The following ERAP1 variants were observed in gnomAD, a reference collection of about 807,000 sequenced individuals.
The protein encoded by ERAP1 is adipocyte-derived leucine aminopeptidase.
In ERAP1, 86 loss-of-function variants were observed where a neutral mutation model predicts 103.7. The observed-to-expected ratio is 0.83, with a 90% confidence interval of 0.70 to 0.99. The LOEUF (loss-of-function observed/expected upper bound fraction) is 0.99. Among genes scored for constraint, ERAP1 ranks in the 50% least tolerant of loss-of-function variants. The pLI is 0.00. For missense variants in ERAP1, 1,009 were observed against 1,128.4 expected, an observed-to-expected ratio of 0.89 and a Z score of 1.52; for synonymous variants, 398 against 402.4, an observed-to-expected ratio of 0.99 and a Z score of 0.13.
the ERAP1 span, among the ~76,000 whole-genome samples, chr5:96,866,688 G>A: frequency 2.0e-5 from 3 of 152,138 alleles, no homozygotes; most frequent in East Asian, 1.9e-4. Context: ...GAGAGACCTC[G>A]TACATGCACA....
the ERAP1 span, among the ~76,000 whole-genome samples, chr5:96,835,079 C>T: frequency 1.3e-5 from 2 of 152,168 alleles, no homozygotes; most frequent in African/African-American, 4.8e-5. Context: ...GGCTGTTAGG[C>T]GTGTACTAGT....
chr5:96,798,316 C>T (rs958578952), intron 3 of ERAP1, among the ~76,000 whole-genome samples: 12 of 124,062 alleles, frequency 9.7e-5, no homozygotes, highest in African/African-American at 3.4e-4. Context: ...CAGAGCGAGA[C>T]TCCATCTCAA....
chr5:96,791,445 G>T (rs1180070102), intron 8 of ERAP1, among the ~76,000 whole-genome samples: 2 of 152,072 alleles, frequency 1.3e-5, no homozygotes, highest in African/African-American at 4.8e-5. Context: ...TCTCAGCCTC[G>T]GTGAGAAGAC....
chr5:96,874,761 G>C, the ERAP1 span, among the ~76,000 whole-genome samples: 237 of 152,328 alleles, frequency 1.6e-3, no homozygotes, highest in African/African-American at 5.3e-3. Context: ...GACTTAACTA[G>C]GATCTAATCA....
At chr5:96,826,401 C>G in the ERAP1 span, among the ~76,000 whole-genome samples, 2 of 152,202 alleles carry the variant, frequency 1.3e-5, no homozygotes, top group Admixed American at 1.3e-4. Context: ...GATAATTACA[C>G]TTGTCTATTT....
At chr5:96,806,948 C>T (rs1214247597) in intron 1 of ERAP1, among the ~76,000 whole-genome samples, 4 of 143,774 alleles carry the variant, frequency 2.8e-5, no homozygotes, top group Admixed American at 7.0e-5. Flanking sequence ...ACAACTGTGC[C>T]CAATTTTCAA....
chr5:96,776,022 G>A lies in ERAP1; in HGVS notation c.*374C>T, dbSNP rs10515247. 0.11 allele frequency: 129,919 copies of A among 1,132,370 alleles called. 8,051 individuals are homozygous for A. Among genetic ancestry groups the A allele is most frequent in the Non-Finnish European group, 0.13 (114,297 of 911,078 alleles). The allele number at this position is 1,132,370 out of a possible 1,614,324, so 70.1% of individuals were successfully genotyped here. A position where few individuals can be genotyped will look rare whatever the true frequency, so the allele number is the denominator to read the frequency against. On this transcript the variant is annotated 3_prime_UTR_variant, in exon 19 of 19. Coordinates refer to ENST00000443439, the MANE Select transcript of ERAP1 (RefSeq NM_001040458.3). ...TCCAGGTGTTCATTGTTCAGTAGTC[G>A]ACTATTCAGAGTCTTTCGAGGAGAC...
chr5:96,926,041 G>A, the ERAP1 span, among the ~76,000 whole-genome samples: 2 of 150,272 alleles, frequency 1.3e-5, no homozygotes, highest in South Asian at 2.1e-4. Context: ...CTCCCAAGTA[G>A]CTGGGACTAC....
intron 5 of ERAP1, among the ~76,000 whole-genome samples, chr5:96,794,171 C>CTTTTTTTTT (rs35041937): frequency 2.9e-5 from 2 of 68,738 alleles, no homozygotes; most frequent in Non-Finnish European, 5.1e-5. Flanking sequence ...CATCTCAGGC[C>CTTTTTTTTT]TTTTTTTTTT....
intron 18 of ERAP1, among the ~76,000 whole-genome samples, chr5:96,780,086 T>C (rs1774933339): frequency 1.3e-5 from 2 of 152,240 alleles, no homozygotes; most frequent in African/African-American, 2.4e-5. Context: ...CCTGCCTCTT[T>C]AGCAACAGCT....
the ERAP1 span, among the ~76,000 whole-genome samples, chr5:96,861,988 A>T: frequency 1.4e-4 from 21 of 151,524 alleles, no homozygotes; most frequent in Admixed American, 2.0e-4. Flanking sequence ...ATTCTTTTTG[A>T]AAAAAAAATC....
chr5:96,926,134 C>A, the ERAP1 span, among the ~76,000 whole-genome samples: 16 of 152,142 alleles, frequency 1.1e-4, no homozygotes, highest in East Asian at 3.1e-3. Flanking sequence ...ATGGTCTCAA[C>A]CTCCTGACCT....
chr5:96,923,491 G>C, the ERAP1 span, among the ~76,000 whole-genome samples: 2 of 152,044 alleles, frequency 1.3e-5, no homozygotes, highest in East Asian at 3.9e-4. Flanking sequence ...TCAGGAGATC[G>C]AGACCATCCT....
chr5:96,922,289 C>G, the ERAP1 span, among the ~76,000 whole-genome samples: 1 of 152,116 alleles, frequency 6.6e-6, no homozygotes, highest in South Asian at 2.1e-4. Context: ...CAGAGAGAGA[C>G]TCCGTCTCAA....
chr5:96,889,661 G>A, the ERAP1 span, among the ~76,000 whole-genome samples: 1 of 152,164 alleles, frequency 6.6e-6, no homozygotes, highest in Non-Finnish European at 1.5e-5. Context: ...TGACTGCTCT[G>A]TTCAAAATAG....
chr5:96,766,261 C>T, intron 19 of ERAP1: 1 of 616,334 alleles, frequency 1.6e-6, no homozygotes, highest in Non-Finnish European at 2.9e-6. Context: ...CATACCATGA[C>T]TGACTGCTTC....
the ERAP1 span, among the ~76,000 whole-genome samples, chr5:96,868,959 T>C: frequency 2.6e-5 from 4 of 152,114 alleles, no homozygotes; most frequent in African/African-American, 9.7e-5. Context: ...CTGGGTTGTA[T>C]ACTCGTAGAA....
the ERAP1 span, chr5:96,884,054 CT>C: frequency 6.2e-5 from 36 of 583,462 alleles, no homozygotes; most frequent in Non-Finnish European, 9.2e-5. Flanking sequence ...ATCTATCTAT[CT>C]ATCTATCTAT....
At chr5:96,891,515 A>G in the ERAP1 span, among the ~76,000 whole-genome samples, 1 of 30,116 alleles carries the variant, frequency 3.3e-5, no homozygotes, top group African/African-American at 1.3e-4. Context: ...ATATATATAT[A>G]TGCCCATATA....
Sources: gnomAD v4.1 joint callset for allele counts (sites outside exome capture counted in the v4.1 genomes callset) on GRCh38, gnomAD v4.1.1 for gene constraint, MANE v1.5 for transcripts, NCBI Gene and HGNC (gene_info 2026-07-23, HGNC 2026-07-21) for gene names.